Variants in GALNTL6 observed in about 807,000 individuals in gnomAD.
GALNTL6 encodes polypeptide N-acetylgalactosaminyltransferase like 6, also known as polypeptide N-acetylgalactosaminyltransferase-like 6.
A neutral mutation model predicts 73.7 loss-of-function variants in GALNTL6; 46 were observed. The ratio of observed to expected loss-of-function variants is 0.62; its 90% confidence interval spans 0.49 to 0.80. The LOEUF (loss-of-function observed/expected upper bound fraction) is 0.80, where lower values mean the gene tolerates loss of function less well. Ranked by LOEUF, GALNTL6 falls within the 30% of genes least tolerant of loss-of-function variation. The pLI, the probability that GALNTL6 is intolerant of heterozygous loss-of-function variation, is 0.00. For synonymous variants in GALNTL6, 259 were observed against 263.7 expected (o/e 0.98, Z 0.17); for missense variants, 604 against 755.0 (o/e 0.80, Z 2.34).
intron 5 of GALNTL6, among the ~76,000 whole-genome samples, chr4:172,531,699 G>T (rs1265249003): frequency 6.6e-6 from 1 of 152,192 alleles, no homozygotes; most frequent in African/African-American, 2.4e-5. Flanking sequence ...TGAGGGGAGA[G>T]AGGGTGGCCA....
chr4:172,332,695 G>C (rs1741175100), intron 4 of GALNTL6, among the ~76,000 whole-genome samples: 1 of 151,902 alleles, frequency 6.6e-6, no homozygotes, highest in South Asian at 2.1e-4. Flanking sequence ...TCATTGTCCA[G>C]TCATCTGTTC....
chr4:172,711,645 CT>C (rs1315082617), intron 5 of GALNTL6, among the ~76,000 whole-genome samples: 5 of 152,054 alleles, frequency 3.3e-5, no homozygotes, highest in Non-Finnish European at 7.4e-5. Context: ...TCGGAAGGGA[CT>C]TTTTTGTGAA....
intron 5 of GALNTL6, among the ~76,000 whole-genome samples, chr4:172,404,500 TG>T (rs1198721861): frequency 6.6e-6 from 1 of 152,090 alleles, no homozygotes. Flanking sequence ...CATTTCCTCC[TG>T]TTATGTTTTA....
intron 10 of GALNTL6, among the ~76,000 whole-genome samples, chr4:172,955,823 G>T (rs1416808090): frequency 6.6e-6 from 1 of 151,868 alleles, no homozygotes; most frequent in Admixed American, 6.6e-5. Flanking sequence ...GTCAAAGGGG[G>T]GGTTGTTCTC....
At chr4:172,451,608 A>G (rs1375293264) in intron 5 of GALNTL6, among the ~76,000 whole-genome samples, 1 of 152,194 alleles carries the variant, frequency 6.6e-6, no homozygotes, top group African/African-American at 2.4e-5. Context: ...AGTGATGCCT[A>G]TAGTATTTGT....
At chr4:173,026,886 T>C (rs893653441) in intron 12 of GALNTL6, among the ~76,000 whole-genome samples, 4 of 152,228 alleles carry the variant, frequency 2.6e-5, no homozygotes, top group African/African-American at 9.6e-5. Context: ...TAGGAAATCC[T>C]GGCCTTCATG....
chr4:172,116,428 G>T (rs71607867), intron 2 of GALNTL6, among the ~76,000 whole-genome samples: 1 of 152,220 alleles, frequency 6.6e-6, no homozygotes, highest in African/African-American at 2.4e-5. Flanking sequence ...GTTATCCCAA[G>T]ATGACTTTTA....
At chr4:172,528,613 G>A (rs1176382568) in intron 5 of GALNTL6, among the ~76,000 whole-genome samples, 1 of 150,900 alleles carries the variant, frequency 6.6e-6, no homozygotes, top group Non-Finnish European at 1.5e-5. Flanking sequence ...CCAAAGTCTG[G>A]GATTACAGGC....
intron 2 of GALNTL6, among the ~76,000 whole-genome samples, chr4:172,021,595 TA>T (rs2110801680): frequency 6.6e-6 from 1 of 152,120 alleles, no homozygotes; most frequent in Non-Finnish European, 1.5e-5. Context: ...AACACAATCC[TA>T]AATTTTATAT....
chr4:172,176,164 C>A (rs1164465000), intron 2 of GALNTL6, among the ~76,000 whole-genome samples: 1 of 150,600 alleles, frequency 6.6e-6, no homozygotes, highest in Non-Finnish European at 1.5e-5. Context: ...ACGGTGAAAC[C>A]CCATCTCTAC....
chr4:172,877,788 A>G (rs937861861), intron 7 of GALNTL6, among the ~76,000 whole-genome samples: 1 of 151,974 alleles, frequency 6.6e-6, no homozygotes, highest in Non-Finnish European at 1.5e-5. Context: ...TTTAAAAGGC[A>G]TCTCATGGAT....
At chr4:172,420,359 C>T (rs561828612) in intron 5 of GALNTL6, among the ~76,000 whole-genome samples, 1 of 152,294 alleles carries the variant, frequency 6.6e-6, no homozygotes, top group East Asian at 1.9e-4. Context: ...GTATTGGGAG[C>T]AGTAACTCCC....
intron 5 of GALNTL6, among the ~76,000 whole-genome samples, chr4:172,531,864 G>T (rs1735180757): frequency 6.6e-6 from 1 of 152,120 alleles, no homozygotes; most frequent in African/African-American, 2.4e-5. Flanking sequence ...ACCCATCAAG[G>T]GTATTTATCA....
chr4:172,946,537 T>C (rs1749176390), intron 9 of GALNTL6, among the ~76,000 whole-genome samples: 1 of 152,186 alleles, frequency 6.6e-6, no homozygotes, highest in African/African-American at 2.4e-5. Context: ...GAGCTAGAAA[T>C]GTCATTTAAT....
intron 7 of GALNTL6, among the ~76,000 whole-genome samples, chr4:172,874,254 A>G (rs558381832): frequency 1.4e-4 from 21 of 152,310 alleles, no homozygotes; most frequent in African/African-American, 5.1e-4. Context: ...TGGGAGAGAT[A>G]AGAGCCTGGA....
At chr4:171,988,378 A>G (rs56827590) in intron 2 of GALNTL6, among the ~76,000 whole-genome samples, 47,534 of 152,062 alleles carry the variant, frequency 0.31, 7,569 homozygotes, top group East Asian at 0.38. Context: ...CTGAAGTAAT[A>G]GGGGCTGTCT....
At position 172,101,301 on chromosome 4, in the gene GALNTL6, T is replaced by A. The variant is rs557931339; in HGVS notation, c.139-128355T>A. Among the ~76,000 whole-genome samples, 232 of 152,314 alleles carry A rather than the reference T, an allele frequency of 1.5e-3. 1 individual carries two copies. The highest frequency in any genetic ancestry group is 3.1e-3 in the Non-Finnish European group (209 of 68,016). ...CTATGCTCTTTCCAATCCATAGCTA[T>A]AAAGTAGACTATAAATTCAGCTTTT... On this transcript the variant is annotated intron_variant, in intron 2 of 12. Coordinates refer to ENST00000506823, the MANE Select transcript of GALNTL6 (RefSeq NM_001034845.3).
intron 5 of GALNTL6, among the ~76,000 whole-genome samples, chr4:172,427,221 A>G (rs1189967202): frequency 6.6e-6 from 1 of 152,158 alleles, no homozygotes; most frequent in Non-Finnish European, 1.5e-5. Context: ...AAGAGGTTTA[A>G]TGGATTCACA....
chr4:172,606,611 C>CATATATAGTATATATATACTATATATAT (rs1738288974), intron 5 of GALNTL6, among the ~76,000 whole-genome samples: 1 of 116,330 alleles, frequency 8.6e-6, no homozygotes, highest in African/African-American at 3.5e-5. Context: ...TACATATATA[C>CATATATAGTATATATATACTATATATAT]ATATATAGTA....
Sources: gnomAD v4.1 joint callset for allele counts (sites outside exome capture counted in the v4.1 genomes callset) on GRCh38, gnomAD v4.1.1 for gene constraint, MANE v1.5 for transcripts, NCBI Gene and HGNC (gene_info 2026-07-23, HGNC 2026-07-21) for gene names.